The following RBM47 variants were observed in gnomAD, a reference collection of about 807,000 sequenced individuals.
RBM47 encodes RNA-binding protein 47.
RBM47 carries 21 observed loss-of-function variants against 47.1 expected under a neutral mutation model. The ratio of observed to expected loss-of-function variants is 0.45; its 90% CI spans 0.32 to 0.64. The LOEUF (loss-of-function observed/expected upper bound fraction) is 0.64. Among genes scored for constraint, RBM47 ranks in the 30% least tolerant of loss-of-function variants. The probability of loss-of-function intolerance (pLI) is 0.05; values close to 1 mark genes in which losing one functional copy is unlikely to be tolerated. For synonymous variants in RBM47, 375 were observed against 361.7 expected, an observed-to-expected ratio of 1.04 and a Z score of -0.42; for missense variants, 708 against 870.9, an observed-to-expected ratio of 0.81 and a Z score of 2.35.
intron 1 of RBM47, among the ~76,000 whole-genome samples, chr4:40,614,838 C>T (rs1736578054): frequency 6.6e-6 from 1 of 151,902 alleles, no homozygotes; most frequent in African/African-American, 2.4e-5. Context: ...CTGTCACACA[C>T]ACATACACAA....
intron 1 of RBM47, among the ~76,000 whole-genome samples, chr4:40,597,803 A>G (rs1297048467): frequency 6.6e-6 from 1 of 152,238 alleles, no homozygotes; most frequent in Non-Finnish European, 1.5e-5. Context: ...CCTGCCCATG[A>G]AAAGGCTCTT....
intron 2 of RBM47, among the ~76,000 whole-genome samples, chr4:40,523,997 G>A (rs1022688883): frequency 1.3e-5 from 2 of 152,086 alleles, no homozygotes; most frequent in East Asian, 1.9e-4. Flanking sequence ...TCCATACAAT[G>A]TTTGGGAAAT....
intron 2 of RBM47, among the ~76,000 whole-genome samples, chr4:40,525,155 T>C (rs1726569991): frequency 6.6e-6 from 1 of 152,126 alleles, no homozygotes; most frequent in Non-Finnish European, 1.5e-5. Context: ...GTGATAAACA[T>C]GGCCAGGCAT....
chr4:40,438,458 A>T lies in RBM47; in HGVS notation c.436T>A (p.Cys146Ser), dbSNP rs758541733. Reference sequence around the variant, plus strand: ...AAGAGGCGGCAGTTGTCCACGCTGCAGCACACGCCGAGCAGGCGGCCCGGG... The same window carrying T: ...AAGAGGCGGCAGTTGTCCACGCTGCTGCACACGCCGAGCAGGCGGCCCGGG... ...IRPGRLLGVC[C>S]SVDNCRLFIG... Residue 146 changes from cysteine to serine, a missense_variant, in exon 4 of 7, where the codon TGC becomes AGC. Physicochemically the swap from Cys to Ser is moderately radical, Grantham distance 112. Transcript: ENST00000295971. 2 of 1,613,580 alleles carry T rather than the reference A, an allele frequency of 1.2e-6. No homozygotes were observed. Among genetic ancestry groups the T allele is most frequent in the South Asian group, 2.2e-5 (2 of 91,080 alleles).
rs1553903538 is a variant in RBM47, at chr4:40,573,807, AAAAGAAAG to A, written c.-239-29309_-239-29302del. 6.2e-3 allele frequency among the ~76,000 whole-genome samples: 847 copies of A among 136,756 alleles called. 5 individuals carry two copies. Among genetic ancestry groups the A allele is most frequent in the African/African-American group, 0.024 (779 of 32,950 alleles). 89.7% of individuals were successfully genotyped at this position (136,756 alleles called of 152,430 possible). A position where few individuals can be genotyped will look rare whatever the true frequency, so the allele number is the denominator to read the frequency against. On this transcript the variant is annotated intron_variant, in intron 1 of 6. Transcript: ENST00000295971. ...AAAGAGAGAGAGAGAGAAAGAAAGA[AAAAGAAAG>A]AAAGAAAGAAAGAAAGAAAGAGAAA...
intron 1 of RBM47, among the ~76,000 whole-genome samples, chr4:40,629,186 T>A (rs1156732923): frequency 6.6e-6 from 1 of 152,230 alleles, no homozygotes; most frequent in Non-Finnish European, 1.5e-5. Context: ...TGTATATGAT[T>A]ATCTGCCTTC....
intron 2 of RBM47, among the ~76,000 whole-genome samples, chr4:40,508,774 G>A (rs1724468694): frequency 6.6e-6 from 1 of 152,226 alleles, no homozygotes; most frequent in Non-Finnish European, 1.5e-5. Context: ...TGGTTCCACA[G>A]GTACATACAC....
In RBM47 at chr4:40,438,258, G is replaced by A; in HGVS notation, c.636C>T (p.Arg212=). ...ESHRAAAMAR[R]KLMPGRIQLW... ...GCTGGATGCGGCCAGGCATGAGCTTGCGGCGAGCCATGGCAGCCGCGCGGT... is the reference window on the plus strand; with the variant it reads ...GCTGGATGCGGCCAGGCATGAGCTTACGGCGAGCCATGGCAGCCGCGCGGT... The change falls in exon 4 of 7, where the codon CGC becomes CGT. Residue 212 remains arginine (R), a synonymous_variant. Transcript: ENST00000295971. 1 of 1,604,086 alleles carries A rather than the reference G, an allele frequency of 6.2e-7. No homozygotes were observed. Among genetic ancestry groups the A allele is most frequent in the East Asian group, 2.2e-5 (1 of 44,870 alleles).
At chr4:40,538,814 T>G (rs1728229618) in intron 2 of RBM47, among the ~76,000 whole-genome samples, 1 of 151,906 alleles carries the variant, frequency 6.6e-6, no homozygotes, top group South Asian at 2.1e-4. Flanking sequence ...TTTTGTATTT[T>G]TAATAGAGAC....
chr4:40,527,267 C>T (rs903415710), intron 2 of RBM47, among the ~76,000 whole-genome samples: 3 of 150,748 alleles, frequency 2.0e-5, no homozygotes, highest in Non-Finnish European at 4.4e-5. Context: ...GGACTACAGG[C>T]GTATGCCACC....
chr4:40,518,464 C>T (rs1725854443), intron 2 of RBM47, among the ~76,000 whole-genome samples: 1 of 152,120 alleles, frequency 6.6e-6, no homozygotes, highest in Admixed American at 6.6e-5. Flanking sequence ...GCGTGAGCAA[C>T]CACGCCCAGC....
At chr4:40,487,759 TG>T in intron 2 of RBM47, among the ~76,000 whole-genome samples, 1 of 152,318 alleles carries the variant, frequency 6.6e-6, no homozygotes, top group Middle Eastern at 3.4e-3. Flanking sequence ...AATATATTAT[TG>T]ATTATTCACA....
intron 1 of RBM47, among the ~76,000 whole-genome samples, chr4:40,552,556 T>C (rs1324507896): frequency 6.6e-6 from 1 of 152,206 alleles, no homozygotes; most frequent in African/African-American, 2.4e-5. Flanking sequence ...CATTTCTGTA[T>C]ATGGCTGCCG....
intron 2 of RBM47, among the ~76,000 whole-genome samples, chr4:40,478,102 G>A (rs1027460192): frequency 3.6e-5 from 5 of 137,626 alleles, no homozygotes; most frequent in Admixed American, 8.2e-5. Context: ...CGCAACCTCC[G>A]CCTCCTGGGT....
chr4:40,471,740 C>T (rs186471657), intron 2 of RBM47, among the ~76,000 whole-genome samples: 4 of 152,078 alleles, frequency 2.6e-5, no homozygotes, highest in Non-Finnish European at 5.9e-5. Context: ...TGCTTAAACC[C>T]CTACACTCTC....
intron 2 of RBM47, among the ~76,000 whole-genome samples, chr4:40,504,683 C>G (rs1190312207): frequency 1.3e-5 from 2 of 152,058 alleles, no homozygotes; most frequent in Non-Finnish European, 2.9e-5. Flanking sequence ...TACTTCCCTC[C>G]CCACCTCAGC....
intron 2 of RBM47, among the ~76,000 whole-genome samples, chr4:40,487,359 G>C (rs1456049356): frequency 6.6e-6 from 1 of 152,056 alleles, no homozygotes; most frequent in Non-Finnish European, 1.5e-5. Flanking sequence ...GCAGTGGCGC[G>C]ATCTCGGCTC....
chr4:40,481,477 ATTATTATT>A (rs1350645709), intron 2 of RBM47, among the ~76,000 whole-genome samples: 26 of 115,046 alleles, frequency 2.3e-4, no homozygotes, highest in Non-Finnish European at 3.8e-4. Context: ...TATTATTATT[ATTATTATT>A]ATTTTTATTT....
chr4:40,481,009 C>T (rs984036304), intron 2 of RBM47, among the ~76,000 whole-genome samples: 7 of 151,984 alleles, frequency 4.6e-5, no homozygotes, highest in African/African-American at 1.7e-4. Context: ...CCTCCTGAGC[C>T]AGGAGGAACA....
Sources: allele counts gnomAD v4.1 joint callset (sites outside exome capture counted in the v4.1 genomes callset), GRCh38; gene constraint gnomAD v4.1.1; transcripts MANE v1.5; gene names NCBI Gene and HGNC (gene_info 2026-07-23, HGNC 2026-07-21).